Variants in ADARB2 observed in about 807,000 individuals in gnomAD.
ADARB2 encodes the protein inactive double-stranded RNA-specific editase B2.
ADARB2 carries 25 observed loss-of-function variants against 62.2 expected under a neutral mutation model. The ratio of observed to expected loss-of-function variants is 0.40; its 90% CI spans 0.29 to 0.56. The LOEUF is 0.56. ADARB2 is among the 20% of genes least tolerant of loss of function. The pLI is 0.43. For missense variants in ADARB2, 1,071 were observed against 1,077.4 expected, an observed-to-expected ratio of 0.99 and a Z score of 0.08; for synonymous variants, 572 against 500.8, an observed-to-expected ratio of 1.14 and a Z score of -1.90.
At chr10:1,318,369 C>T (rs1831760658) in intron 3 of ADARB2, among the ~76,000 whole-genome samples, 1 of 152,156 alleles carries the variant, frequency 6.6e-6, no homozygotes, top group Non-Finnish European at 1.5e-5. Context: ...CTGACAGCTC[C>T]CTGCAGAATT....
intron 3 of ADARB2, among the ~76,000 whole-genome samples, chr10:1,345,189 C>T (rs114219918): frequency 1.9e-3 from 282 of 152,104 alleles, no homozygotes; most frequent in African/African-American, 6.5e-3. Flanking sequence ...CACGGTGGTC[C>T]CCCCTCACGA....
chr10:1,723,875 G>C (rs953820294), intron 1 of ADARB2, among the ~76,000 whole-genome samples: 2 of 152,196 alleles, frequency 1.3e-5, no homozygotes, highest in Admixed American at 6.5e-5. Context: ...TTTTCTAGCA[G>C]TGATGCTACA....
intron 1 of ADARB2, among the ~76,000 whole-genome samples, chr10:1,641,715 T>TA (rs980663722): frequency 6.6e-6 from 1 of 152,194 alleles, no homozygotes; most frequent in African/African-American, 2.4e-5. Context: ...AAATCTTTTT[T>TA]AAAAAATGTG....
chr10:1,194,801 C>G (rs1161529787), intron 8 of ADARB2, among the ~76,000 whole-genome samples: 7 of 152,126 alleles, frequency 4.6e-5, no homozygotes, highest in African/African-American at 7.2e-5. Flanking sequence ...AGAAAATGTC[C>G]TTTCTCCTAT....
intron 1 of ADARB2, among the ~76,000 whole-genome samples, chr10:1,502,735 C>T (rs1272133821): frequency 6.6e-6 from 1 of 152,186 alleles, no homozygotes. Context: ...CATTTTCTAA[C>T]CTGTGTTACT....
At chr10:1,524,691 C>T (rs1246102581) in intron 1 of ADARB2, among the ~76,000 whole-genome samples, 3 of 152,304 alleles carry the variant, frequency 2.0e-5, no homozygotes, top group Admixed American at 6.5e-5. Flanking sequence ...AACAGCACAG[C>T]CCGGTGGCTG....
intron 1 of ADARB2, among the ~76,000 whole-genome samples, chr10:1,632,652 G>A (rs1355183048): frequency 6.6e-6 from 1 of 152,222 alleles, no homozygotes; most frequent in Non-Finnish European, 1.5e-5. Flanking sequence ...GAGAAGTCAA[G>A]GACTGATGGC....
At chr10:1,543,864 C>T (rs1192587819) in intron 1 of ADARB2, among the ~76,000 whole-genome samples, 1 of 152,046 alleles carries the variant, frequency 6.6e-6, no homozygotes, top group African/African-American at 2.4e-5. Context: ...GCAGCTCTGG[C>T]CAGAAATCTC....
intron 1 of ADARB2, among the ~76,000 whole-genome samples, chr10:1,567,949 C>A (rs367572356): frequency 6.6e-6 from 1 of 152,182 alleles, no homozygotes; most frequent in Non-Finnish European, 1.5e-5. Flanking sequence ...TCAGAGACAC[C>A]GTTGATGGCA....
chr10:1,687,728 C>A, intron 1 of ADARB2, among the ~76,000 whole-genome samples: 1 of 152,042 alleles, frequency 6.6e-6, no homozygotes, highest in East Asian at 1.9e-4. Flanking sequence ...AGGCTGGAGA[C>A]AGCTCAGCCG....
At chr10:1,656,494 G>A (rs1834173401) in intron 1 of ADARB2, among the ~76,000 whole-genome samples, 1 of 152,022 alleles carries the variant, frequency 6.6e-6, no homozygotes, top group African/African-American at 2.4e-5. Context: ...CTGGTTGAGA[G>A]GTTGGGGGAA....
chr10:1,277,932 GCTTC>G lies in ADARB2; in HGVS notation c.1078-6867_1078-6864del, dbSNP rs112142041. 1.8e-4 allele frequency among the ~76,000 whole-genome samples: 27 copies of G among 151,528 alleles called. No individual in the cohort carries two copies. The East Asian group carries it at 2.9e-3, about 16-fold the overall frequency. On this transcript the variant is annotated intron_variant, in intron 3 of 9. Transcript: ENST00000381312. The stretch of plus-strand genomic sequence containing the variant: ...TGATCAAGTGGGCTTCTTTCTTTCT[GCTTC>G]CTTCCTTCCTTCCTTCCCCTCTTTC...
At chr10:1,433,136 G>A (rs755627963) in intron 1 of ADARB2, among the ~76,000 whole-genome samples, 8 of 152,196 alleles carry the variant, frequency 5.3e-5, no homozygotes, top group Non-Finnish European at 1.2e-4. Context: ...AAGAGAAAAT[G>A]AAGTGAAGAG....
intron 1 of ADARB2, among the ~76,000 whole-genome samples, chr10:1,411,036 C>G (rs542749976): frequency 2.0e-5 from 3 of 152,170 alleles, no homozygotes; most frequent in African/African-American, 7.2e-5. Context: ...CTGGTGTCTG[C>G]GCTCCTCCCT....
At chr10:1,302,152 T>C (rs1021990570) in intron 3 of ADARB2, among the ~76,000 whole-genome samples, 11 of 152,036 alleles carry the variant, frequency 7.2e-5, no homozygotes, top group African/African-American at 2.4e-4. Context: ...AGACAGTGGG[T>C]GCAGGTCAGT....
intron 1 of ADARB2, among the ~76,000 whole-genome samples, chr10:1,643,563 G>A (rs10794776): frequency 0.29 from 44,080 of 152,056 alleles, 7,418 homozygotes; most frequent in East Asian, 0.44. Context: ...GTATGGGGAA[G>A]TGAGTGAATA....
intron 1 of ADARB2, among the ~76,000 whole-genome samples, chr10:1,383,218 A>G (rs1355514461): frequency 6.6e-6 from 1 of 152,216 alleles, no homozygotes; most frequent in Non-Finnish European, 1.5e-5. Context: ...CATCTGCAAC[A>G]CTGAGGTTCT....
At chr10:1,607,162 T>C (rs1170725716) in intron 1 of ADARB2, among the ~76,000 whole-genome samples, 2 of 152,170 alleles carry the variant, frequency 1.3e-5, no homozygotes, top group Non-Finnish European at 2.9e-5. Context: ...AAATGAAACT[T>C]TGAATTTTCT....
intron 3 of ADARB2, among the ~76,000 whole-genome samples, chr10:1,326,754 A>G (rs1333705118): frequency 7.1e-6 from 1 of 140,978 alleles, no homozygotes; most frequent in Non-Finnish European, 1.6e-5. Flanking sequence ...TCCCGACGGC[A>G]CGGCGCCTCT....
Sources: gnomAD v4.1 joint callset for allele counts (sites outside exome capture counted in the v4.1 genomes callset) on GRCh38, gnomAD v4.1.1 for gene constraint, MANE v1.5 for transcripts, NCBI Gene and HGNC (gene_info 2026-07-23, HGNC 2026-07-21) for gene names.